TMPRSS15: variants seen among roughly 807,000 people sequenced by gnomAD.
TMPRSS15 encodes enteropeptidase.
Under a neutral mutation model 125.3 loss-of-function variants are expected in TMPRSS15, and 128 were observed. That is an observed-to-expected ratio of 1.02 (90% CI 0.89 to 1.18). The LOEUF is 1.18. TMPRSS15 is among the 50% of genes most tolerant of loss of function. TMPRSS15 has a pLI of 0.00. For synonymous variants in TMPRSS15, 446 were observed against 423.2 expected (o/e 1.05, Z -0.66); for missense variants, 1,283 against 1,212.7 (o/e 1.06, Z -0.86).
chr21:18,438,987 G>T (rs1311159722), intron 1 of TMPRSS15, among the ~76,000 whole-genome samples: 1 of 152,006 alleles, frequency 6.6e-6, no homozygotes, highest in Admixed American at 6.6e-5. Context: ...ATTAATCAGG[G>T]CTCTGAATTC....
At chr21:18,292,170 T>G (rs1016599777) in intron 21 of TMPRSS15, among the ~76,000 whole-genome samples, 1 of 152,210 alleles carries the variant, frequency 6.6e-6, no homozygotes, top group African/African-American at 2.4e-5. Flanking sequence ...TTTCTCCAAA[T>G]CAATGGAATA....
At chr21:18,438,871 A>G (rs991420088) in intron 1 of TMPRSS15, among the ~76,000 whole-genome samples, 5 of 152,234 alleles carry the variant, frequency 3.3e-5, no homozygotes, top group African/African-American at 1.2e-4. Flanking sequence ...ATGACTTCAA[A>G]TAATTATAAA....
intron 18 of TMPRSS15, among the ~76,000 whole-genome samples, chr21:18,311,083 T>C (rs1219884349): frequency 6.6e-6 from 1 of 151,768 alleles, no homozygotes; most frequent in Non-Finnish European, 1.5e-5. Context: ...AAAAATCATA[T>C]CAAAATGGAT....
intron 1 of TMPRSS15, among the ~76,000 whole-genome samples, chr21:18,473,993 T>A (rs1191234841): frequency 6.6e-6 from 1 of 152,158 alleles, no homozygotes; most frequent in African/African-American, 2.4e-5. Flanking sequence ...ACAGATGGTA[T>A]TAAATAGACA....
intron 1 of TMPRSS15, among the ~76,000 whole-genome samples, chr21:18,401,718 C>T (rs1007209275): frequency 1.3e-5 from 2 of 151,888 alleles, no homozygotes; most frequent in Non-Finnish European, 2.9e-5. Context: ...CACATGTGCC[C>T]CCTGAATCTA....
At chr21:18,279,774 A>G (rs1432374102) in intron 22 of TMPRSS15, among the ~76,000 whole-genome samples, 2 of 152,104 alleles carry the variant, frequency 1.3e-5, no homozygotes, top group Non-Finnish European at 2.9e-5. Context: ...TTTCAGCATC[A>G]ATTAATAGAA....
At chr21:18,332,498 T>C (rs1279485926) in intron 13 of TMPRSS15, among the ~76,000 whole-genome samples, 1 of 152,166 alleles carries the variant, frequency 6.6e-6, no homozygotes, top group African/African-American at 2.4e-5. Context: ...AAGTTCTTTA[T>C]AGAAGCTGGA....
chr21:18,280,586 A>AACAAACAAAC lies in TMPRSS15; in HGVS notation c.2668+453_2668+454insGTTTGTTTGT, dbSNP rs796868995. Among the ~76,000 whole-genome samples, 905 of 149,080 alleles carry AACAAACAAAC rather than the reference A, an allele frequency of 6.1e-3. 38 individuals carry two copies. The highest frequency in any genetic ancestry group is 0.022 in the African/African-American group (846 of 39,050). ...GCGAGACTCCGTCTCAAAAAAAAAA[A>AACAAACAAAC]AAAAAAAAACAACAAAACAACAAAA... On this transcript the variant is annotated intron_variant, in intron 22 of 24. Coordinates refer to ENST00000284885, the MANE Select transcript of TMPRSS15 (RefSeq NM_002772.3).
chr21:18,396,373 AG>A (rs1010401345), intron 3 of TMPRSS15, among the ~76,000 whole-genome samples: 13 of 152,026 alleles, frequency 8.6e-5, no homozygotes, highest in African/African-American at 2.9e-4. Context: ...AACACCTACT[AG>A]CTGTGTGATT....
rs201609608 is a variant in TMPRSS15 at position 18,472,222 on chromosome 21, GA to G, written c.10+13576del. ...GATTTTATTTTCATATCACTAAAAAGAAATTTTTTTTTGTTCTATGAGAAAA... is the reference window on the plus strand; with the variant it reads ...GATTTTATTTTCATATCACTAAAAAGAATTTTTTTTTGTTCTATGAGAAAA... On this transcript the variant is annotated intron_variant, in intron 1 of 7. Coordinates refer to the TMPRSS15 transcript ENST00000422787. 2.7e-3 allele frequency among the ~76,000 whole-genome samples: 407 copies of G among 151,814 alleles called. 2 individuals are homozygous for G. The highest frequency in any genetic ancestry group is 0.02 in the Middle Eastern group (6 of 294).
At chr21:18,470,569 A>T (rs1328116934) in intron 1 of TMPRSS15, among the ~76,000 whole-genome samples, 2 of 152,094 alleles carry the variant, frequency 1.3e-5, no homozygotes, top group Non-Finnish European at 2.9e-5. Context: ...AAGTTTTAAA[A>T]TTTATTTTTC....
intron 18 of TMPRSS15, among the ~76,000 whole-genome samples, chr21:18,312,739 AC>A (rs113946263): frequency 9.9e-4 from 150 of 152,150 alleles, no homozygotes; most frequent in African/African-American, 3.0e-3. Flanking sequence ...ATTTACATGT[AC>A]TTTATACAGT....
intron 1 of TMPRSS15, among the ~76,000 whole-genome samples, chr21:18,482,062 G>C (rs545012383): frequency 1.3e-5 from 2 of 150,820 alleles, no homozygotes; most frequent in African/African-American, 4.9e-5. Context: ...TTTTATCTAC[G>C]ATATATTATT....
intron 1 of TMPRSS15, among the ~76,000 whole-genome samples, chr21:18,433,663 C>CAAAAAAAA (rs58432155): frequency 0.037 from 2,325 of 62,338 alleles, 151 homozygotes; most frequent in South Asian, 0.048. Context: ...GACCTTGTCT[C>CAAAAAAAA]AAAAAAAAAA....
chr21:18,303,283 T>C (rs2074992994), intron 18 of TMPRSS15, among the ~76,000 whole-genome samples: 1 of 152,026 alleles, frequency 6.6e-6, no homozygotes, highest in South Asian at 2.1e-4. Flanking sequence ...CTCAGTTCCT[T>C]TTTGGAAAAC....
At chr21:18,460,383 TTCTTTC>T (rs1247338873) in intron 1 of TMPRSS15, among the ~76,000 whole-genome samples, 2 of 152,164 alleles carry the variant, frequency 1.3e-5, no homozygotes, top group African/African-American at 2.4e-5. Context: ...CACAAGACTT[TTCTTTC>T]TCTTTCTATG....
chr21:18,370,054 TC>T (rs2075777231), intron 6 of TMPRSS15, among the ~76,000 whole-genome samples: 1 of 150,772 alleles, frequency 6.6e-6, no homozygotes, highest in Non-Finnish European at 1.5e-5. Flanking sequence ...GAAAGGCTGG[TC>T]ACTACTAAGG....
rs368409175 is a variant in TMPRSS15, at chr21:18,319,256, T to G, written c.1922-4000A>C. ...AGAAATTAGCCTGAGGCTCAGTTTC[T>G]TTGTCAATAGGAGTAAATACTACTT... On this transcript the variant is annotated intron_variant, in intron 16 of 24. Coordinates refer to ENST00000284885, the MANE Select transcript of TMPRSS15 (RefSeq NM_002772.3). 1.3e-4 allele frequency among the ~76,000 whole-genome samples: 20 copies of G among 152,234 alleles called. No homozygotes were observed. In the South Asian group the frequency reaches 1.9e-3, roughly 14 times the overall value.
intron 1 of TMPRSS15, among the ~76,000 whole-genome samples, chr21:18,415,374 A>G (rs1225640769): frequency 6.6e-6 from 1 of 151,982 alleles, no homozygotes; most frequent in African/African-American, 2.4e-5. Flanking sequence ...CCACTTCTCT[A>G]GTTTTGCTTT....
Sources: allele counts gnomAD v4.1 joint callset (sites outside exome capture counted in the v4.1 genomes callset), GRCh38; gene constraint gnomAD v4.1.1; transcripts MANE v1.5; gene names NCBI Gene and HGNC (gene_info 2026-07-23, HGNC 2026-07-21).